Variants in HTR1F observed in about 807,000 individuals in gnomAD.
HTR1F encodes the protein 5-hydroxytryptamine receptor 1F, also known as 5-hydroxytryptamine (serotonin) receptor 1F, G protein-coupled.
HTR1F carries 17 observed loss-of-function variants against 24.0 expected under a neutral mutation model. The ratio of observed to expected loss-of-function variants is 0.71; its 90% CI spans 0.48 to 1.06. The LOEUF is 1.06. Ranked by LOEUF, HTR1F falls within the 50% of genes least tolerant of loss-of-function variation. The pLI, the probability that HTR1F is intolerant of heterozygous loss-of-function variation, is 0.00. For synonymous variants in HTR1F, 186 were observed against 156.8 expected, an observed-to-expected ratio of 1.19 and a Z score of -1.39; for missense variants, 391 against 427.8, an observed-to-expected ratio of 0.91 and a Z score of 0.76.
chr3:87,987,762 A>T (rs1484639279), intron 2 of HTR1F, among the ~76,000 whole-genome samples: 5 of 132,916 alleles, frequency 3.8e-5, no homozygotes, highest in Non-Finnish European at 8.1e-5. Context: ...TGTATTATAT[A>T]TATGTATTTT....
chr3:87,987,816 A>G (rs1490896309), intron 2 of HTR1F, among the ~76,000 whole-genome samples: 3 of 143,746 alleles, frequency 2.1e-5, no homozygotes, highest in Non-Finnish European at 4.5e-5. Flanking sequence ...TTATATATGT[A>G]TTATATATAT....
chr3:87,969,309 C>T (rs1318457915), intron 2 of HTR1F, among the ~76,000 whole-genome samples: 1 of 152,242 alleles, frequency 6.6e-6, no homozygotes, highest in Non-Finnish European at 1.5e-5. Context: ...AAGCCACAGA[C>T]ACTCAATGTC....
intron 2 of HTR1F, among the ~76,000 whole-genome samples, chr3:87,827,123 CTT>C (rs61445115): frequency 5.3e-4 from 76 of 143,350 alleles, no homozygotes; most frequent in Admixed American, 6.3e-4. Flanking sequence ...TTCTTTCTTT[CTT>C]TTTTTTTTTT....
At chr3:87,796,583 A>C (rs1703909928) in intron 1 of HTR1F, among the ~76,000 whole-genome samples, 1 of 152,236 alleles carries the variant, frequency 6.6e-6, no homozygotes, top group Non-Finnish European at 1.5e-5. Flanking sequence ...AGGAGCCATA[A>C]AAGGAAACTG....
At chr3:87,861,028 G>T (rs1705307829) in intron 2 of HTR1F, among the ~76,000 whole-genome samples, 1 of 152,018 alleles carries the variant, frequency 6.6e-6, no homozygotes. Flanking sequence ...ATGGTGGCAG[G>T]TGCCTGTAGT....
chr3:87,935,712 G>A (rs763375756), intron 2 of HTR1F, among the ~76,000 whole-genome samples: 8 of 151,956 alleles, frequency 5.3e-5, no homozygotes, highest in Non-Finnish European at 1.2e-4. Context: ...AAAATATTCT[G>A]AAATCATAAA....
chr3:87,948,034 A>G (rs575393649), intron 2 of HTR1F, among the ~76,000 whole-genome samples: 1 of 152,166 alleles, frequency 6.6e-6, no homozygotes, highest in Non-Finnish European at 1.5e-5. Flanking sequence ...ATCTAATATT[A>G]CTAATCTTGG....
In HTR1F at chr3:87,990,565, A is replaced by C. The variant is rs570172460; in HGVS notation, c.-42-143A>C. 5.9e-6 allele frequency: 3 copies of C among 509,410 alleles called. No homozygotes were observed. The East Asian group carries it at 9.1e-5, about 15-fold the overall frequency. The allele number at this position is 509,410 out of a possible 1,614,324, so 31.6% of individuals were successfully genotyped here. ...ATTTCTTAAATAAAAAGGAAAACTA[A>C]AACCTTCAATCTGAACCTCATTTTT... is the stretch of plus-strand genomic sequence containing the variant. On this transcript the variant is annotated intron_variant, in intron 2 of 2. Coordinates refer to ENST00000319595, the MANE Select transcript of HTR1F (RefSeq NM_001322209.2).
intron 2 of HTR1F, among the ~76,000 whole-genome samples, chr3:87,962,073 G>A (rs368992602): frequency 2.6e-5 from 4 of 151,956 alleles, no homozygotes; most frequent in Non-Finnish European, 4.4e-5. Flanking sequence ...CAAAAATGAC[G>A]TACATTGAAT....
rs1248521801 is a variant in HTR1F, at chr3:87,910,870, C to T, written c.-42-79838C>T. ...AATTAAACAACCTGCTCCTGAATGA[C>T]ATTTGAGTAAATAATGAGATTAAGG... is the stretch of plus-strand genomic sequence containing the variant. On this transcript the variant is annotated intron_variant, in intron 2 of 2. Transcript: ENST00000319595. Among the ~76,000 whole-genome samples, 5 of 152,142 alleles carry T rather than the reference C, an allele frequency of 3.3e-5. No individual in the cohort carries two copies. The South Asian group carries it at 1.0e-3, about 32-fold the overall frequency.
At chr3:87,893,624 T>C (rs1706131593) in intron 2 of HTR1F, among the ~76,000 whole-genome samples, 1 of 152,198 alleles carries the variant, frequency 6.6e-6, no homozygotes, top group South Asian at 2.1e-4. Flanking sequence ...CGCAATGGCC[T>C]GGGACTATTT....
At chr3:87,829,365 C>T (rs1704527551) in intron 2 of HTR1F, among the ~76,000 whole-genome samples, 1 of 152,112 alleles carries the variant, frequency 6.6e-6, no homozygotes, top group South Asian at 2.1e-4. Context: ...AATCTGAAAT[C>T]CAGTATTGAG....
chr3:87,870,245 C>G (rs891377955), intron 2 of HTR1F, among the ~76,000 whole-genome samples: 2 of 151,972 alleles, frequency 1.3e-5, no homozygotes, highest in Admixed American at 1.3e-4. Flanking sequence ...AAACTTTCCC[C>G]ACAAGTTATC....
chr3:87,966,985 C>G (rs1338125778), intron 2 of HTR1F, among the ~76,000 whole-genome samples: 3 of 151,988 alleles, frequency 2.0e-5, no homozygotes, highest in African/African-American at 7.3e-5. Context: ...TAAATTAAAC[C>G]TACAAATGAA....
At chr3:87,910,896 C>T (rs1703763806) in intron 2 of HTR1F, among the ~76,000 whole-genome samples, 1 of 151,940 alleles carries the variant, frequency 6.6e-6, no homozygotes, top group Admixed American at 6.6e-5. Flanking sequence ...GAGATTAAGG[C>T]AGAAATCAAG....
chr3:87,795,710 G>A (rs2107051050), intron 1 of HTR1F, among the ~76,000 whole-genome samples: 1 of 152,154 alleles, frequency 6.6e-6, no homozygotes, highest in East Asian at 1.9e-4. Flanking sequence ...AAATTAGACA[G>A]AGAAGAAATA....
At chr3:87,899,887 G>A (rs191429392) in intron 2 of HTR1F, among the ~76,000 whole-genome samples, 2 of 152,114 alleles carry the variant, frequency 1.3e-5, no homozygotes, top group Non-Finnish European at 2.9e-5. Context: ...AACAAAAATC[G>A]CAGTCTATCA....
At chr3:87,901,698 C>T (rs556601009) in intron 2 of HTR1F, among the ~76,000 whole-genome samples, 33 of 151,892 alleles carry the variant, frequency 2.2e-4, no homozygotes, top group African/African-American at 8.0e-4. Context: ...TTTACATATA[C>T]ACTCACCAAA....
At chr3:87,803,228 T>G in intron 1 of HTR1F, among the ~76,000 whole-genome samples, 1 of 152,248 alleles carries the variant, frequency 6.6e-6, no homozygotes, top group East Asian at 1.9e-4. Context: ...AGAGAAAATA[T>G]TATTTATTTT....
Sources: gnomAD v4.1 joint callset for allele counts (sites outside exome capture counted in the v4.1 genomes callset) on GRCh38, gnomAD v4.1.1 for gene constraint, MANE v1.5 for transcripts, NCBI Gene and HGNC (gene_info 2026-07-23, HGNC 2026-07-21) for gene names.